Variants in CRCP observed in about 807,000 individuals in gnomAD.
CRCP encodes the protein CGRP receptor component.
Under a neutral mutation model 18.5 loss-of-function variants are expected in CRCP, and 18 were observed. The observed-to-expected ratio is 0.97, with a 90% CI of 0.67 to 1.44. The LOEUF (loss-of-function observed/expected upper bound fraction) is 1.44, where lower values mean the gene tolerates loss of function less well. Among genes scored for constraint, CRCP ranks in the 40% most tolerant of loss-of-function variants. CRCP has a pLI of 0.00. For synonymous variants in CRCP, 53 were observed against 62.9 expected, an observed-to-expected ratio of 0.84 and a Z score of 0.75; for missense variants, 130 against 176.4, an observed-to-expected ratio of 0.74 and a Z score of 1.49.
At chr7:66,143,940 CTG>C (rs1411555228) in intron 4 of CRCP, among the ~76,000 whole-genome samples, 1 of 152,190 alleles carries the variant, frequency 6.6e-6, no homozygotes, top group African/African-American at 2.4e-5. Flanking sequence ...GATGAGGAAA[CTG>C]AGGCTCAGGG....
At chr7:66,125,643 T>C (rs1439816509) in intron 1 of CRCP, among the ~76,000 whole-genome samples, 1 of 149,274 alleles carries the variant, frequency 6.7e-6, no homozygotes, top group African/African-American at 2.4e-5. Flanking sequence ...GAGGGTGTTC[T>C]TTGGATTCTT....
intron 1 of CRCP, 117 bp from the exon 2 acceptor site, chr7:66,127,587 G>A: frequency 8.9e-7 from 1 of 1,121,840 alleles, no homozygotes; most frequent in South Asian, 1.3e-5. Context: ...ATTTTAGGTT[G>A]TAGTCCCTAA....
At chr7:66,117,848 C>A (rs923367390) in intron 1 of CRCP, among the ~76,000 whole-genome samples, 2 of 152,238 alleles carry the variant, frequency 1.3e-5, no homozygotes, top group African/African-American at 4.8e-5. Context: ...CCCAGACACA[C>A]ACTTTCCACT....
rs575893630 is a variant in CRCP at position 66,121,751 on chromosome 7, A to C, written c.9-5953A>C. On this transcript the variant is annotated intron_variant, in intron 1 of 5. Transcript: ENST00000395326. Reference sequence around the variant, plus strand: ...TTTATTCTTGAACGTAATATATATAATTGGGAAAATAGACATTATCCTCTG... The same window carrying C: ...TTTATTCTTGAACGTAATATATATACTTGGGAAAATAGACATTATCCTCTG... Among the ~76,000 whole-genome samples, 8 of 152,298 alleles carry C rather than the reference A, an allele frequency of 5.3e-5. No individual in the cohort carries two copies. In the South Asian group the frequency reaches 1.4e-3, roughly 28 times the overall value.
intron 4 of CRCP, 108 bp from the exon 5 acceptor site, chr7:66,145,332 ACTC>A: frequency 1.9e-6 from 2 of 1,058,332 alleles, no homozygotes; most frequent in Admixed American, 1.7e-5. Context: ...TGAGGGCCAC[ACTC>A]CAGTGGTTCT....
At position 66,152,459 on chromosome 7, in the gene CRCP, C is replaced by T; in HGVS notation, c.*102C>T. On this transcript the variant is annotated 3_prime_UTR_variant, in exon 6 of 6. Coordinates refer to ENST00000395326, the MANE Select transcript of CRCP (RefSeq NM_014478.5). ...TATTTGATTTTTATCCTCATCCCAGCAGGCCTGGCTTTGTGGTTAGTTGGG... is the reference window on the plus strand; with the variant it reads ...TATTTGATTTTTATCCTCATCCCAGTAGGCCTGGCTTTGTGGTTAGTTGGG... The T allele has an allele frequency of 7.4e-7, 1 of 1,349,782 alleles. No homozygotes were observed. The highest frequency in any genetic ancestry group is 2.2e-5 in the Admixed American group (1 of 46,420). 83.6% of individuals were successfully genotyped at this position (1,349,782 alleles called of 1,614,324 possible). A position where few individuals can be genotyped will look rare whatever the true frequency, so the allele number is the denominator to read the frequency against.
Position 66,127,736 on chromosome 7 carries a change from A to G in CRCP, c.41A>G (p.Tyr14Cys). ...KDANSALLSN[Y>C]EVFQLLTDLK... ...GCCAATTCTGCGCTTCTCAGTAACT[A>G]CGAGGTAAATTGGATTGTTACATTT... The change falls in exon 2 of 6, where the codon TAC becomes TGC. Residue 14 changes from tyrosine (Y) to cysteine (C), a missense_variant. By Grantham distance (194) the Tyr-to-Cys change is radical. Coordinates refer to ENST00000395326, the MANE Select transcript of CRCP (RefSeq NM_014478.5). The G allele has an allele frequency of 6.2e-7, 1 of 1,614,080 alleles. No homozygotes were observed. The highest frequency in any genetic ancestry group is 8.5e-7 in the Non-Finnish European group (1 of 1,179,978).
intron 2 of CRCP, among the ~76,000 whole-genome samples, chr7:66,128,114 C>A (rs77588679): frequency 1.8e-3 from 232 of 130,320 alleles, no homozygotes; most frequent in East Asian, 2.0e-3. Flanking sequence ...GGCTCTGTCT[C>A]AAAAAAAAAA....
At chr7:66,118,556 C>T (rs1167446616) in intron 1 of CRCP, among the ~76,000 whole-genome samples, 1 of 152,188 alleles carries the variant, frequency 6.6e-6, no homozygotes, top group Non-Finnish European at 1.5e-5. Context: ...ATATAGTCAT[C>T]TCTCAGCGTC....
intron 2 of CRCP, among the ~76,000 whole-genome samples, chr7:66,129,712 G>T (rs1215020259): frequency 2.0e-5 from 3 of 152,174 alleles, no homozygotes; most frequent in African/African-American, 7.2e-5. Context: ...GCTTTTAGGA[G>T]CCTCCTTGTC....
At chr7:66,137,585 C>T (rs538364566) in intron 4 of CRCP, among the ~76,000 whole-genome samples, 1 of 152,316 alleles carries the variant, frequency 6.6e-6, no homozygotes, top group African/African-American at 2.4e-5. Context: ...TTTAGGTTTT[C>T]CATGAATGTC....
At chr7:66,124,547 CCTTT>C (rs1188962779) in intron 1 of CRCP, among the ~76,000 whole-genome samples, 1 of 135,658 alleles carries the variant, frequency 7.4e-6, no homozygotes, top group Non-Finnish European at 1.6e-5. Context: ...TTCCTTCCTT[CCTTT>C]CTTTCTTCCT....
intron 4 of CRCP, 166 bp downstream of exon 4, chr7:66,134,540 C>T: frequency 2.8e-6 from 1 of 362,672 alleles, no homozygotes. Context: ...GAGTAAGGAA[C>T]AAATCTTTTT....
chr7:66,150,415 G>A (rs1392629559), intron 5 of CRCP, among the ~76,000 whole-genome samples: 2 of 151,026 alleles, frequency 1.3e-5, no homozygotes, highest in Non-Finnish European at 2.9e-5. Flanking sequence ...CCTGAGCCAT[G>A]GAATCTTTAG....
chr7:66,120,821 C>T (rs948650639), intron 1 of CRCP: 1 of 152,120 alleles, frequency 6.6e-6, no homozygotes, highest in African/African-American at 2.4e-5. Context: ...GCTGCTGGTT[C>T]TGCAAGGCTC....
In CRCP at chr7:66,118,467, A is replaced by G. The variant is rs574715570; in HGVS notation, c.8+3497A>G. ...AGTGTCTGTTCACCTAGTGCTTAGC[A>G]TTGCATCTGGCACACAGTAGGCATT... is the stretch of plus-strand genomic sequence containing the variant. On this transcript the variant is annotated intron_variant, in intron 1 of 5. Transcript: ENST00000395326. 8.5e-5 allele frequency among the ~76,000 whole-genome samples: 13 copies of G among 152,354 alleles called. No homozygotes were observed. The East Asian group carries it at 2.3e-3, about 27-fold the overall frequency.
At position 66,132,778 on chromosome 7, in the gene CRCP, C is replaced by T. The variant is rs938716983; in HGVS notation, c.145-1502C>T. Reference sequence around the variant, plus strand: ...ACAAAAAATTAGCCGGGCGTAGTGGCGGGCGCCTGTAGTCCCAGCTACTCA... The same window carrying T: ...ACAAAAAATTAGCCGGGCGTAGTGGTGGGCGCCTGTAGTCCCAGCTACTCA... On this transcript the variant is annotated intron_variant, in intron 3 of 5. Coordinates refer to ENST00000395326, the MANE Select transcript of CRCP (RefSeq NM_014478.5). 1.3e-5 allele frequency among the ~76,000 whole-genome samples: 2 copies of T among 151,782 alleles called. 1 individual carries two copies. The highest frequency in any genetic ancestry group is 1.3e-4 in the Admixed American group (2 of 15,240).
chr7:66,134,153 CCCAG>C, intron 3 of CRCP, 123 bp from the exon 4 acceptor site: 1 of 725,182 alleles, frequency 1.4e-6, no homozygotes, highest in Non-Finnish European at 2.3e-6. Context: ...AGCCACCGTG[CCCAG>C]CCTCTACAGG....
chr7:66,134,197 A>G lies in CRCP; in HGVS notation c.145-83A>G. 4.6e-6 allele frequency: 5 copies of G among 1,082,792 alleles called. No homozygotes were observed. The South Asian group carries it at 5.5e-5, about 12-fold the overall frequency. 67.1% of individuals were successfully genotyped at this position (1,082,792 alleles called of 1,614,324 possible). A position where few individuals can be genotyped will look rare whatever the true frequency, so the allele number is the denominator to read the frequency against. On this transcript the variant is annotated intron_variant, in intron 3 of 5. Coordinates refer to ENST00000395326, the MANE Select transcript of CRCP (RefSeq NM_014478.5). Reference sequence around the variant, plus strand: ...TTACAAACAAAATTTTAGAATTTTAATTACAGTCATTGCCTTTGTTTTTTC... The same window carrying G: ...TTACAAACAAAATTTTAGAATTTTAGTTACAGTCATTGCCTTTGTTTTTTC...
Sources: allele counts gnomAD v4.1 joint callset (sites outside exome capture counted in the v4.1 genomes callset), GRCh38; gene constraint gnomAD v4.1.1; transcripts MANE v1.5; gene names NCBI Gene and HGNC (gene_info 2026-07-23, HGNC 2026-07-21).